RRBP1: variants seen among roughly 807,000 people sequenced by gnomAD.
RRBP1 encodes ribosome-binding protein 1.
Under a neutral mutation model 165.2 loss-of-function variants are expected in RRBP1, and 94 were observed. That is an observed-to-expected ratio of 0.57 (90% CI 0.48 to 0.68). The LOEUF is 0.68. Ranked by LOEUF, RRBP1 falls within the 30% of genes least tolerant of loss-of-function variation. The pLI, the probability that RRBP1 is intolerant of heterozygous loss-of-function variation, is 0.00. For synonymous variants in RRBP1, 680 were observed against 714.5 expected, an observed-to-expected ratio of 0.95 and a Z score of 0.77; for missense variants, 1,676 against 1,763.0, an observed-to-expected ratio of 0.95 and a Z score of 0.88.
intron 21 of RRBP1, 54 bp from the exon 22 acceptor site, chr20:17,616,063 G>A (rs1304844192): frequency 1.3e-5 from 19 of 1,486,750 alleles, no homozygotes; most frequent in Non-Finnish European, 1.8e-5. Flanking sequence ...CCCTCCAGGG[G>A]CCCAGGGATC....
At chr20:17,637,896 C>T (rs1303105805) in intron 5 of RRBP1, among the ~76,000 whole-genome samples, 1 of 152,134 alleles carries the variant, frequency 6.6e-6, no homozygotes. Context: ...CAGCACTGTC[C>T]CATTTAATTT....
chr20:17,630,612 A>G (rs762903471), intron 8 of RRBP1, among the ~76,000 whole-genome samples: 7 of 152,184 alleles, frequency 4.6e-5, no homozygotes, highest in Non-Finnish European at 1.0e-4. Flanking sequence ...GCTCAGTGTC[A>G]GGCAGGCTCT....
At chr20:17,663,083 A>C (rs2036797077) in intron 2 of RRBP1, among the ~76,000 whole-genome samples, 2 of 152,226 alleles carry the variant, frequency 1.3e-5, no homozygotes, top group African/African-American at 4.8e-5. Context: ...GGCCTGGGTC[A>C]CCCTCACTGA....
chr20:17,680,906 T>C (rs1179101772), intron 1 of RRBP1, among the ~76,000 whole-genome samples: 1 of 152,134 alleles, frequency 6.6e-6, no homozygotes, highest in Middle Eastern at 3.2e-3. Flanking sequence ...GAGCCCCGAT[T>C]TGCAGACCAG....
chr20:17,680,470 T>A (rs533598996), intron 1 of RRBP1, among the ~76,000 whole-genome samples: 1 of 152,288 alleles, frequency 6.6e-6, no homozygotes, highest in South Asian at 2.1e-4. Context: ...AGCTGAGCAG[T>A]GACGTGGGAG....
intron 2 of RRBP1, among the ~76,000 whole-genome samples, chr20:17,663,485 A>G (rs1481007339): frequency 6.6e-6 from 1 of 152,210 alleles, no homozygotes; most frequent in Non-Finnish European, 1.5e-5. Context: ...TTACATCCCC[A>G]CCACTAATTC....
chr20:17,679,981 A>T lies in RRBP1; in HGVS notation c.-22+18T>A, dbSNP rs2037149321. The T allele has an allele frequency of 6.6e-6, 1 of 152,202 alleles. No individual in the cohort carries two copies. The highest frequency in any genetic ancestry group is 1.5e-5 in the Non-Finnish European group (1 of 68,064). 9.4% of individuals were successfully genotyped at this position (152,202 alleles called of 1,614,324 possible). ...GCCGGCTTTGCGGTGCTCCATGTAA[A>T]AGGAAAACTTCACCTACTAGGAGGT... On this transcript the variant is annotated intron_variant, in intron 2 of 24. Coordinates refer to ENST00000377813, the MANE Select transcript of RRBP1 (RefSeq NM_001365613.2).
intron 2 of RRBP1, among the ~76,000 whole-genome samples, chr20:17,668,933 G>C (rs980448371): frequency 6.6e-6 from 1 of 152,102 alleles, no homozygotes; most frequent in Non-Finnish European, 1.5e-5. Context: ...TTTAAAGACT[G>C]CTTACTAACT....
intron 6 of RRBP1, 55 bp from the exon 7 acceptor site, chr20:17,635,719 G>C: frequency 7.4e-7 from 1 of 1,351,766 alleles, no homozygotes; most frequent in Non-Finnish European, 1.1e-6. Flanking sequence ...ACACAGAACT[G>C]ACTTCTGAGC....
chr20:17,636,832 A>G (rs1432143081), intron 5 of RRBP1, 103 bp from the exon 6 acceptor site: 2 of 1,401,710 alleles, frequency 1.4e-6, no homozygotes, highest in Non-Finnish European at 2.0e-6. Context: ...TGGAGAGCAG[A>G]GCACAGACCC....
rs372369847 is a variant in RRBP1 at position 17,621,983 on chromosome 20, G to A, written c.3148-36C>T. Reference sequence around the variant, plus strand: ...GGTGGGGAAGAGCGGAAGGTGTTCAGCTGTGGAGGTGTGGGGCACCTCCCC... The same window carrying A: ...GGTGGGGAAGAGCGGAAGGTGTTCAACTGTGGAGGTGTGGGGCACCTCCCC... On this transcript the variant is annotated intron_variant, in intron 13 of 24. Coordinates refer to ENST00000377813, the MANE Select transcript of RRBP1 (RefSeq NM_001365613.2). The A allele has an allele frequency of 1.9e-5, 29 of 1,550,706 alleles. No individual in the cohort carries two copies. The African/African-American group carries it at 3.9e-4, about 21-fold the overall frequency.
At chr20:17,634,611 C>A (rs909723490) in intron 7 of RRBP1, among the ~76,000 whole-genome samples, 1 of 152,238 alleles carries the variant, frequency 6.6e-6, no homozygotes, top group Admixed American at 6.5e-5. Context: ...CTGGCAGGGC[C>A]ACTGCCTCAG....
At position 17,659,825 on chromosome 20, in the gene RRBP1, T is replaced by C. The variant is rs1000429378; in HGVS notation, c.683A>G (p.Gln228Arg). The C allele has an allele frequency of 5.8e-6, 9 of 1,551,268 alleles. 1 individual carries two copies. Among genetic ancestry groups the C allele is most frequent in the Non-Finnish European group, 7.8e-6 (9 of 1,146,970 alleles). ...QGRKAEGTPN[Q>R]GKKTEGTPNQ... ...TGGGGTTCCCTCTGTCTTTTTGCCCTGGTTTGGGGTTCCCTCTGCCTTTCT... is the reference window on the plus strand; with the variant it reads ...TGGGGTTCCCTCTGTCTTTTTGCCCCGGTTTGGGGTTCCCTCTGCCTTTCT... The change falls in exon 3 of 25, where the codon CAG (glutamine) becomes CGG (arginine). Residue 228 changes from glutamine to arginine, a missense_variant. Physicochemically the swap from Gln to Arg is conservative, Grantham distance 43. Coordinates refer to ENST00000377813, the MANE Select transcript of RRBP1 (RefSeq NM_001365613.2).
At chr20:17,681,394 C>T (rs1032918187) in intron 1 of RRBP1, among the ~76,000 whole-genome samples, 1 of 148,004 alleles carries the variant, frequency 6.8e-6, no homozygotes, top group Admixed American at 6.7e-5. Flanking sequence ...GGTCCCTGCG[C>T]CGCGAGCCCT....
In RRBP1 at chr20:17,665,554, G is replaced by A. The variant is rs141469406; in HGVS notation, c.-21-5026C>T. 7.1e-3 allele frequency among the ~76,000 whole-genome samples: 1,080 copies of A among 152,192 alleles called. 34 individuals carry two copies. The highest frequency in any genetic ancestry group is 0.055 in the Admixed American group (838 of 15,282). The stretch of plus-strand genomic sequence containing the variant: ...GCCCAGCTAATTTTTGTAGTTTTTA[G>A]TAGAGACGGGGTTTCACCATATTGG... On this transcript the variant is annotated intron_variant, in intron 2 of 24. Coordinates refer to ENST00000377813, the MANE Select transcript of RRBP1 (RefSeq NM_001365613.2).
Position 17,663,879 on chromosome 20 carries a change from A to G in RRBP1, c.-21-3351T>C, listed in dbSNP as rs1026423307. Among the ~76,000 whole-genome samples, 24 of 152,316 alleles carry G rather than the reference A, an allele frequency of 1.6e-4. No individual in the cohort carries two copies. The East Asian group carries it at 3.5e-3, about 22-fold the overall frequency. On this transcript the variant is annotated intron_variant, in intron 2 of 24. Transcript: ENST00000377813. ...CACCCATACCTTGTAGGGTCTGACC[A>G]CAGGGATCTATATTCTGTCAATTCC...
rs557939239 is a variant in RRBP1, at chr20:17,616,763, T to A, written c.3836A>T (p.Glu1279Val). 210 of 1,612,342 alleles carry A rather than the reference T, an allele frequency of 1.3e-4. No homozygotes were observed. In the East Asian group the frequency reaches 4.5e-3, roughly 35 times the overall value. ...GGGGTCCTGCTCGGCTGGGGGCGCC[T>A]CTGGGGAGGAAGCTGGGGCCCCAGC... Reference protein sequence around the residue: ...DIAGAPASSPEAPPAEQDPVQ... With the variant: ...DIAGAPASSPVAPPAEQDPVQ... Residue 1279 changes from glutamate to valine, a missense_variant, in exon 21 of 25, where the codon GAG becomes GTG. Glu to Val is a moderately radical substitution (Grantham distance 121, BLOSUM62 -2). Coordinates refer to ENST00000377813, the MANE Select transcript of RRBP1 (RefSeq NM_001365613.2).
At chr20:17,614,278 C>T in intron 24 of RRBP1, 58 bp from the exon 25 acceptor site, 1 of 1,546,812 alleles carries the variant, frequency 6.5e-7, no homozygotes, top group Non-Finnish European at 8.9e-7. Flanking sequence ...GGCAGAACCA[C>T]CTGCCCTCTA....
intron 3 of RRBP1, among the ~76,000 whole-genome samples, chr20:17,654,240 C>G (rs2036608678): frequency 6.6e-6 from 1 of 152,214 alleles, no homozygotes. Context: ...ATGTCCCCTA[C>G]ATCCTGAGTG....
Sources: allele counts gnomAD v4.1 joint callset (sites outside exome capture counted in the v4.1 genomes callset), GRCh38; gene constraint gnomAD v4.1.1; transcripts MANE v1.5; gene names NCBI Gene and HGNC (gene_info 2026-07-23, HGNC 2026-07-21).